The following POMT2 variants were observed in gnomAD, a reference collection of about 807,000 sequenced individuals.
POMT2 encodes protein O-mannosyltransferase 2.
In POMT2, 75 loss-of-function variants were observed where a neutral mutation model predicts 100.0. That is an observed-to-expected ratio of 0.75 (90% CI 0.62 to 0.91). POMT2 has a LOEUF of 0.91. POMT2 is among the 40% of genes least tolerant of loss of function. The pLI is 0.00. For synonymous variants in POMT2, 378 were observed against 374.1 expected, an observed-to-expected ratio of 1.01 and a Z score of -0.12; for missense variants, 940 against 955.1, an observed-to-expected ratio of 0.98 and a Z score of 0.21.
intron 1 of POMT2, among the ~76,000 whole-genome samples, chr14:77,315,998 G>A (rs1331272037): frequency 2.0e-5 from 3 of 152,144 alleles, no homozygotes; most frequent in African/African-American, 7.2e-5. Context: ...GCGACAGAGC[G>A]AGAATCTCAA....
intron 4 of POMT2, among the ~76,000 whole-genome samples, chr14:77,303,877 G>C (rs1224951239): frequency 6.6e-6 from 1 of 152,212 alleles, no homozygotes; most frequent in Non-Finnish European, 1.5e-5. Flanking sequence ...TGAGACCAGA[G>C]TGACTCATCA....
intron 1 of POMT2, among the ~76,000 whole-genome samples, chr14:77,317,696 C>A (rs1891682188): frequency 6.6e-6 from 1 of 152,096 alleles, no homozygotes; most frequent in Non-Finnish European, 1.5e-5. Context: ...GGGTAATGAT[C>A]AGGAAAAAGG....
At chr14:77,288,995 T>G (rs1890545339) in intron 10 of POMT2, among the ~76,000 whole-genome samples, 164 bp from the exon 11 acceptor site, 1 of 151,724 alleles carries the variant, frequency 6.6e-6, no homozygotes, top group African/African-American at 2.4e-5. Flanking sequence ...TTCAGGGTAT[T>G]AGAGAAGGGT....
At chr14:77,301,290 C>A in intron 5 of POMT2, 41 bp from the exon 6 acceptor site, 4 of 1,611,878 alleles carry the variant, frequency 2.5e-6, no homozygotes, top group Non-Finnish European at 2.5e-6. Context: ...GCAGCTGGAA[C>A]CAAAGCCAAA....
At chr14:77,318,005 T>C (rs1023605389) in intron 1 of POMT2, among the ~76,000 whole-genome samples, 56 of 152,282 alleles carry the variant, frequency 3.7e-4, no homozygotes, top group African/African-American at 1.3e-3. Flanking sequence ...TTTCTAACAA[T>C]TGGATATTAG....
At chr14:77,280,817 T>C (rs7146741) in intron 15 of POMT2, among the ~76,000 whole-genome samples, 125,312 of 152,260 alleles carry the variant, frequency 0.82, 51,795 homozygotes, top group East Asian at 0.92. Context: ...TACAGCCGGG[T>C]GCAGTGGCTC....
At chr14:77,292,120 C>T (rs997116249) in intron 9 of POMT2, among the ~76,000 whole-genome samples, 13 of 152,028 alleles carry the variant, frequency 8.6e-5, no homozygotes, top group Non-Finnish European at 1.6e-4. Context: ...CCAAATGAAA[C>T]GAAAAAGCTC....
Position 77,276,382 on chromosome 14 carries a change from A to G in POMT2, c.*994T>C, listed in dbSNP as rs1889954061. The G allele has an allele frequency of 6.5e-6, 1 of 152,744 alleles. No individual in the cohort carries two copies. Among genetic ancestry groups the G allele is most frequent in the Non-Finnish European group, 1.5e-5 (1 of 68,232 alleles). The allele number at this position is 152,744 out of a possible 1,614,324, so 9.5% of individuals were successfully genotyped here. A position where few individuals can be genotyped will look rare whatever the true frequency, so the allele number is the denominator to read the frequency against. On this transcript the variant is annotated 3_prime_UTR_variant, in exon 21 of 21. Coordinates refer to ENST00000261534, the MANE Select transcript of POMT2 (RefSeq NM_013382.7). ...TGACACTGGGAAAGCTCAGCAGGTG[A>G]CAGGAACATTAGTCTGGAGAGGCCA...
chr14:77,289,407 G>A (rs1219069090), intron 10 of POMT2, among the ~76,000 whole-genome samples: 7 of 96,282 alleles, frequency 7.3e-5, no homozygotes, highest in African/African-American at 2.0e-4. Flanking sequence ...AAAAGAAGAA[G>A]AAAAACTCCT....
intron 9 of POMT2, among the ~76,000 whole-genome samples, chr14:77,294,589 G>A (rs747793179): frequency 1.3e-5 from 2 of 152,178 alleles, no homozygotes; most frequent in Non-Finnish European, 2.9e-5. Context: ...ATAAGCCACC[G>A]CACCTGGCCA....
intron 14 of POMT2, 126 bp downstream of exon 14, chr14:77,284,824 G>A (rs1890360298): frequency 2.5e-6 from 2 of 814,554 alleles, no homozygotes; most frequent in East Asian, 2.6e-5. Context: ...GAAAGAGAGT[G>A]TTAACAAGGA....
In POMT2 at chr14:77,320,311, A is replaced by C. The variant is rs1412445853; in HGVS notation, c.248+123T>G. On this transcript the variant is annotated intron_variant, in intron 1 of 20. Coordinates refer to ENST00000261534, the MANE Select transcript of POMT2 (RefSeq NM_013382.7). ...CAGAGGCCAACCCACCCGATACCTC[A>C]AGTTCCCCTCCACCGTGGCCCTCCT... The C allele has an allele frequency of 5.3e-6, 8 of 1,503,312 alleles. No individual in the cohort carries two copies. The Admixed American group carries it at 9.9e-5, about 19-fold the overall frequency. 93.1% of individuals were successfully genotyped at this position (1,503,312 alleles called of 1,614,324 possible).
At position 77,296,212 on chromosome 14, in the gene POMT2, G is replaced by A. The variant is rs763714618; in HGVS notation, c.1068C>T (p.His356=). The change falls in exon 9 of 21, where the codon CAC becomes CAT. Residue 356 remains histidine, a synonymous_variant. Transcript: ENST00000261534. ...KNLRMAIGYL[H]SHRHLYPEGI... ...CCTCGGGGTAGAGGTGCCTGTGGGA[G>A]TGCAGATAGCCGATGGCCATCCGGA... The A allele has an allele frequency of 6.2e-7, 1 of 1,609,560 alleles. No individual in the cohort carries two copies. The highest frequency in any genetic ancestry group is 8.5e-7 in the Non-Finnish European group (1 of 1,178,466).
intron 14 of POMT2, among the ~76,000 whole-genome samples, chr14:77,284,709 C>T (rs1890356520): frequency 6.6e-6 from 1 of 152,102 alleles, no homozygotes; most frequent in Non-Finnish European, 1.5e-5. Flanking sequence ...GAAGACGAGA[C>T]AGATGGATCT....
intron 10 of POMT2, among the ~76,000 whole-genome samples, chr14:77,290,146 C>T (rs1236233625): frequency 1.3e-5 from 2 of 152,142 alleles, no homozygotes; most frequent in Non-Finnish European, 2.9e-5. Context: ...TATAAAGCTC[C>T]CACAAAATCC....
chr14:77,309,184 A>C (rs1020827059), intron 2 of POMT2, among the ~76,000 whole-genome samples: 2 of 152,240 alleles, frequency 1.3e-5, no homozygotes, highest in African/African-American at 4.8e-5. Flanking sequence ...TGTATAAAAG[A>C]ATTCCTAGAG....
In POMT2 at chr14:77,301,228, C is replaced by T. The variant is rs778947923; in HGVS notation, c.678G>A (p.Trp226Ter). 6.2e-7 allele frequency: 1 copy of T among 1,614,162 alleles called. No homozygotes were observed. Residue 226 changes from tryptophan (W) to a stop codon, truncating the protein, a stop_gained, in exon 6 of 21, where the codon TGG (tryptophan) becomes TGA (stop). Coordinates refer to ENST00000261534, the MANE Select transcript of POMT2 (RefSeq NM_013382.7). LOFTEE classifies it high-confidence loss of function. ...CADRPFSAPW[W>*]FWLSLTGVSL... The stretch of plus-strand genomic sequence containing the variant: ...TAACGCCAGTCAGGCTGAGCCAGAA[C>T]CACCAGGGGGCAGAGAAGGGCCTGA...
At chr14:77,302,783 T>G (rs2139486321) in intron 5 of POMT2, 52 bp downstream of exon 5, 1 of 1,492,400 alleles carries the variant, frequency 6.7e-7, no homozygotes, top group South Asian at 1.2e-5. Flanking sequence ...TACAGAAATT[T>G]TGGAGTTGCC....
chr14:77,298,917 A>G, intron 7 of POMT2, 146 bp from the exon 8 acceptor site: 1 of 832,194 alleles, frequency 1.2e-6, no homozygotes, highest in Non-Finnish European at 2.0e-6. Flanking sequence ...AGTTGGAGAA[A>G]CTGGGGTCCA....
Sources: gnomAD v4.1 joint callset for allele counts (sites outside exome capture counted in the v4.1 genomes callset) on GRCh38, gnomAD v4.1.1 for gene constraint, MANE v1.5 for transcripts, NCBI Gene and HGNC (gene_info 2026-07-23, HGNC 2026-07-21) for gene names.